The following DOP1B variants were observed in gnomAD, a reference collection of about 807,000 sequenced individuals.
The protein encoded by DOP1B is DOP1 leucine zipper like protein B, also known as protein DOP1B.
A neutral mutation model predicts 233.5 loss-of-function variants in DOP1B; 174 were observed. The observed-to-expected ratio is 0.75, with a 90% CI of 0.66 to 0.85. DOP1B has a LOEUF of 0.85. DOP1B is among the 40% of genes least tolerant of loss of function. The pLI is 0.00. For missense variants in DOP1B, 2,652 were observed against 2,846.6 expected, an observed-to-expected ratio of 0.93 and a Z score of 1.56; for synonymous variants, 1,190 against 1,185.6, an observed-to-expected ratio of 1.00 and a Z score of -0.08.
At chr21:36,257,453 G>A (rs1025417053) in intron 23 of DOP1B, among the ~76,000 whole-genome samples, 1 of 152,172 alleles carries the variant, frequency 6.6e-6, no homozygotes, top group Non-Finnish European at 1.5e-5. Flanking sequence ...CCAGGGTGTG[G>A]GACAGGACCC....
intron 23 of DOP1B, among the ~76,000 whole-genome samples, chr21:36,257,660 A>C (rs113499937): frequency 0.067 from 8,166 of 122,678 alleles, 302 homozygotes; most frequent in Non-Finnish European, 0.091. Flanking sequence ...AGGTAAATAG[A>C]TAGATGTAGG....
chr21:36,281,398 T>C, intron 31 of DOP1B, 85 bp from the exon 32 acceptor site: 1 of 1,391,320 alleles, frequency 7.2e-7, no homozygotes, highest in East Asian at 2.4e-5. Context: ...CCAGGGAATA[T>C]AGAATTACAC....
rs370193766 is a variant in DOP1B at position 36,230,892 on chromosome 21, G to A, written c.2108G>A (p.Arg703Gln). The A allele has an allele frequency of 2.9e-5, 47 of 1,613,996 alleles. No individual in the cohort carries two copies. Among genetic ancestry groups the A allele is most frequent in the South Asian group, 2.3e-4 (21 of 91,084 alleles). ...KQMLSDLFTA[R>Q]GSPFKTKSSE... ...ATGCTGTCAGACTTGTTCACAGCACGAGGGTCTCCATTCAAGACAAAAAGT... is the reference window on the plus strand; with the variant it reads ...ATGCTGTCAGACTTGTTCACAGCACAAGGGTCTCCATTCAAGACAAAAAGT... The change falls in exon 14 of 37, where the codon CGA becomes CAA. Residue 703 changes from arginine (R) to glutamine (Q), a missense_variant. Arg to Gln is a conservative substitution (Grantham distance 43). Transcript: ENST00000691173.
chr21:36,184,709 C>T (rs924161168), intron 2 of DOP1B, among the ~76,000 whole-genome samples: 2 of 152,152 alleles, frequency 1.3e-5, no homozygotes, highest in East Asian at 1.9e-4. Context: ...TCAGGCTGCC[C>T]GGCATACGCA....
rs1372931286 is a variant in DOP1B, at chr21:36,277,885, G to A, written c.5713-90G>A. ...TCAAACTCCCAGCCTCAAGTGATCC[G>A]CCCTCCTCAGCCTCCCGAAGTGCTG... On this transcript the variant is annotated intron_variant, in intron 28 of 36. Coordinates refer to ENST00000691173, the MANE Select transcript of DOP1B (RefSeq NM_001320714.2). 5.9e-6 allele frequency: 6 copies of A among 1,009,140 alleles called. No homozygotes were observed. In the East Asian group the frequency reaches 1.2e-4, roughly 20 times the overall value. The allele number at this position is 1,009,140 out of a possible 1,614,324, so 62.5% of individuals were successfully genotyped here. A position where few individuals can be genotyped will look rare whatever the true frequency, so the allele number is the denominator to read the frequency against.
chr21:36,221,018 A>G (rs118038993), intron 10 of DOP1B, among the ~76,000 whole-genome samples: 3,940 of 151,748 alleles, frequency 0.026, 71 homozygotes, highest in Non-Finnish European at 0.039. Flanking sequence ...GCTATGTTGC[A>G]CAGGCTGGTC....
chr21:36,230,591 CACT>C lies in DOP1B; in HGVS notation c.1808_1810del (p.His603del). 1 of 1,614,200 alleles carries C rather than the reference CACT, an allele frequency of 6.2e-7. No individual in the cohort carries two copies. The highest frequency in any genetic ancestry group is 2.2e-5 in the East Asian group (1 of 44,880). On this transcript the variant is annotated inframe_deletion, in exon 14 of 37. Coordinates refer to ENST00000691173, the MANE Select transcript of DOP1B (RefSeq NM_001320714.2). The stretch of plus-strand genomic sequence containing the variant: ...TGCCTCGTCACCGGAGCTCTCTGAG[CACT>C]TGAGGGTTCCTCGAGTTTCTCTGGA...
At position 36,263,256 on chromosome 21, in the gene DOP1B, G is replaced by A. The variant is rs913294848; in HGVS notation, c.5316-290G>A. ...TCTCACCAAAAAAAAAAAAAAAAAG[G>A]CCTGAGAGGTCAAGGTCGATCATCT... is the stretch of plus-strand genomic sequence containing the variant. On this transcript the variant is annotated intron_variant, in intron 24 of 36. Coordinates refer to ENST00000691173, the MANE Select transcript of DOP1B (RefSeq NM_001320714.2). Among the ~76,000 whole-genome samples the A allele has an allele frequency of 7.1e-4, 89 of 125,874 alleles. 1 individual carries two copies. Among genetic ancestry groups the A allele is most frequent in the African/African-American group, 2.8e-3 (86 of 31,202 alleles). The allele number at this position is 125,874 out of a possible 152,430, so 82.6% of individuals were successfully genotyped here. A position where few individuals can be genotyped will look rare whatever the true frequency, so the allele number is the denominator to read the frequency against.
At chr21:36,192,009 A>T (rs776832597) in intron 2 of DOP1B, among the ~76,000 whole-genome samples, 4 of 151,956 alleles carry the variant, frequency 2.6e-5, no homozygotes, top group Admixed American at 6.6e-5. Flanking sequence ...CCAAACAGAA[A>T]CTTCCAGATG....
chr21:36,237,468 C>G, intron 16 of DOP1B, 54 bp downstream of exon 16: 2 of 1,602,244 alleles, frequency 1.2e-6, no homozygotes, highest in South Asian at 2.2e-5. Flanking sequence ...CCCTGCTGTA[C>G]GTGCCCTTAG....
chr21:36,188,162 C>A (rs564134316), intron 2 of DOP1B, among the ~76,000 whole-genome samples: 3 of 152,252 alleles, frequency 2.0e-5, no homozygotes, highest in South Asian at 4.1e-4. Flanking sequence ...ACGTGCATGG[C>A]CCTGTTAGGG....
intron 2 of DOP1B, chr21:36,168,895 T>G (rs1271595400): frequency 1.4e-5 from 4 of 292,226 alleles, no homozygotes; most frequent in East Asian, 7.4e-5. Context: ...TCCCTGTGGG[T>G]TTTTTTTTTT....
chr21:36,260,564 T>C (rs2067158773), intron 23 of DOP1B, 113 bp from the exon 24 acceptor site: 2 of 1,405,586 alleles, frequency 1.4e-6, no homozygotes, highest in East Asian at 4.6e-5. Context: ...GAAAGATTCT[T>C]TAGTCAAAAA....
intron 18 of DOP1B, among the ~76,000 whole-genome samples, chr21:36,240,636 A>G (rs941956640): frequency 6.6e-6 from 1 of 152,242 alleles, no homozygotes; most frequent in Non-Finnish European, 1.5e-5. Context: ...CTTTCAGTTC[A>G]GAGAACTTCC....
chr21:36,285,810 C>T (rs941437343), intron 32 of DOP1B, among the ~76,000 whole-genome samples: 1 of 152,036 alleles, frequency 6.6e-6, no homozygotes, highest in Non-Finnish European at 1.5e-5. Flanking sequence ...AGTTCAAGAC[C>T]AACCTGGCCA....
intron 23 of DOP1B, among the ~76,000 whole-genome samples, chr21:36,256,852 C>G (rs1259069064): frequency 6.6e-6 from 1 of 152,164 alleles, no homozygotes; most frequent in African/African-American, 2.4e-5. Context: ...GGAGTTCTCC[C>G]CACCAGCAAG....
chr21:36,184,101 T>G (rs2066135167), intron 2 of DOP1B, among the ~76,000 whole-genome samples: 1 of 151,996 alleles, frequency 6.6e-6, no homozygotes, highest in Non-Finnish European at 1.5e-5. Context: ...CAGGCTGGAG[T>G]GCAGTGGCGT....
chr21:36,158,013 G>A (rs1245213087), intron 1 of DOP1B, among the ~76,000 whole-genome samples: 2 of 151,790 alleles, frequency 1.3e-5, no homozygotes, highest in Non-Finnish European at 2.9e-5. Context: ...TGCCCAGTCT[G>A]GTCTCAAACT....
rs554104202 is a variant in DOP1B at position 36,192,232 on chromosome 21, G to A, written c.139-6838G>A. Among the ~76,000 whole-genome samples the A allele has an allele frequency of 6.6e-5, 10 of 151,978 alleles. No homozygotes were observed. In the South Asian group the frequency reaches 2.1e-3, roughly 32 times the overall value. The stretch of plus-strand genomic sequence containing the variant: ...AAATCAGCCAGGCGTGGTGGTATAC[G>A]CCTGTAGTTCCAGCTACTCGAGAAG... On this transcript the variant is annotated intron_variant, in intron 2 of 36. Transcript: ENST00000691173.
Sources: allele counts gnomAD v4.1 joint callset (sites outside exome capture counted in the v4.1 genomes callset), GRCh38; gene constraint gnomAD v4.1.1; transcripts MANE v1.5; gene names NCBI Gene and HGNC (gene_info 2026-07-23, HGNC 2026-07-21).